Variants in EGF observed in about 807,000 individuals in gnomAD.
EGF encodes the protein pro-epidermal growth factor.
A neutral mutation model predicts 143.8 loss-of-function variants in EGF; 95 were observed. That is an observed-to-expected ratio of 0.66 (90% CI 0.56 to 0.78). The LOEUF is 0.78. Ranked by LOEUF, EGF falls within the 30% of genes least tolerant of loss-of-function variation. The pLI is 0.00. For synonymous variants in EGF, 510 were observed against 510.5 expected (o/e 1.00, Z 0.01); for missense variants, 1,320 against 1,470.9 (o/e 0.90, Z 1.68).
rs749592129 is a variant in EGF at position 109,988,594 on chromosome 4, A to T, written c.2619A>T (p.Glu873Asp). 4 of 1,613,922 alleles carry T rather than the reference A, an allele frequency of 2.5e-6. No individual in the cohort carries two copies. The highest frequency in any genetic ancestry group is 3.4e-6 in the Non-Finnish European group (4 of 1,179,914). The stretch of plus-strand genomic sequence containing the variant: ...TAATTTTGCCCACAGATATAGATGA[A>T]TGTGAGATGGGTGTCCCAGTGTGCC... ...GDGKLCSDID[E>D]CEMGVPVCPP... The change falls in exon 18 of 24, where the codon GAA (glutamate) becomes GAT (aspartate). Residue 873 changes from glutamate (E) to aspartate (D), a missense_variant. Transcript: ENST00000265171.
chr4:109,970,623 G>C (rs1051585838), intron 11 of EGF, among the ~76,000 whole-genome samples: 4 of 151,916 alleles, frequency 2.6e-5, no homozygotes, highest in African/African-American at 4.8e-5. Context: ...TCAGGAGATC[G>C]AGACCATCCT....
Position 109,960,991 on chromosome 4 carries a change from T to C in EGF, c.1189+2T>C, listed in dbSNP as rs1421670842. On this transcript the variant is annotated splice_donor_variant, in intron 7 of 23. Transcript: ENST00000265171. LOFTEE classifies it high-confidence loss of function. Reference sequence around the variant, plus strand: ...TTCCTGATGGGAAACGATGTCATCGTAAGTTATAGCAACAAGTATTTATTG... The same window carrying C: ...TTCCTGATGGGAAACGATGTCATCGCAAGTTATAGCAACAAGTATTTATTG... 6.2e-7 allele frequency: 1 copy of C among 1,613,754 alleles called. No homozygotes were observed. The highest frequency in any genetic ancestry group is 2.2e-5 in the East Asian group (1 of 44,880).
chr4:109,943,915 C>T lies in EGF; in HGVS notation c.583C>T (p.Leu195=), dbSNP rs754378480. Residue 195 remains leucine (L), a synonymous_variant, in exon 4 of 24, where the codon CTG becomes TTG. Coordinates refer to ENST00000265171, the MANE Select transcript of EGF (RefSeq NM_001963.6). ...ADLDGVGVKA[L]LETSEKITAV... ...TCTCGATGGTGTGGGAGTGAAGGCT[C>T]TGTTGGAGACATCAGAGAAAATAAC... The T allele has an allele frequency of 6.2e-7, 1 of 1,613,986 alleles. No individual in the cohort carries two copies. The highest frequency in any genetic ancestry group is 8.5e-7 in the Non-Finnish European group (1 of 1,179,974).
At chr4:109,988,849 C>A in intron 18 of EGF, 140 bp downstream of exon 18, 1 of 1,281,406 alleles carries the variant, frequency 7.8e-7, no homozygotes. Flanking sequence ...GTGCGACCTG[C>A]TCAAACTGAC....
intron 21 of EGF, among the ~76,000 whole-genome samples, chr4:110,000,449 C>A (rs901650542): frequency 6.6e-6 from 1 of 152,010 alleles, no homozygotes; most frequent in African/African-American, 2.4e-5. Context: ...ATATTATATG[C>A]TCCCCCCATA....
chr4:109,963,623 G>A (rs1211508456), intron 9 of EGF, among the ~76,000 whole-genome samples: 2 of 152,094 alleles, frequency 1.3e-5, no homozygotes, highest in African/African-American at 2.4e-5. Flanking sequence ...TTTGTTGATT[G>A]ATTTGATTTT....
chr4:109,987,688 T>A, intron 16 of EGF, 56 bp from the exon 17 acceptor site: 1 of 1,414,124 alleles, frequency 7.1e-7, no homozygotes, highest in Non-Finnish European at 1.0e-6. Flanking sequence ...AAGATTAAAG[T>A]CCGTTTTCTT....
chr4:109,940,552 T>C (rs1741743989), intron 1 of EGF, among the ~76,000 whole-genome samples: 1 of 152,218 alleles, frequency 6.6e-6, no homozygotes, highest in African/African-American at 2.4e-5. Context: ...ATTTCCAAAA[T>C]GATAATATCT....
chr4:109,991,311 C>A (rs1750904902), intron 18 of EGF, among the ~76,000 whole-genome samples: 1 of 152,138 alleles, frequency 6.6e-6, no homozygotes, highest in Non-Finnish European at 1.5e-5. Flanking sequence ...ACTCACAGCA[C>A]TTCTTAATAT....
chr4:109,970,430 C>T (rs1578298677), intron 11 of EGF, among the ~76,000 whole-genome samples: 1 of 152,254 alleles, frequency 6.6e-6, no homozygotes, highest in Middle Eastern at 3.4e-3. Flanking sequence ...AGGGTTTAAC[C>T]TCTGTGAAAT....
rs553918865 is a variant in EGF, at chr4:109,987,946, A to C, written c.2608+86A>C. On this transcript the variant is annotated intron_variant, in intron 17 of 23. Transcript: ENST00000265171. Reference sequence around the variant, plus strand: ...CTCTTTCTGACTCAAAAACTCCAGAAGGATTTATGTAATCAGCAGATTTGA... The same window carrying C: ...CTCTTTCTGACTCAAAAACTCCAGACGGATTTATGTAATCAGCAGATTTGA... The C allele has an allele frequency of 3.8e-6, 4 of 1,059,420 alleles. No individual in the cohort carries two copies. In the African/African-American group the frequency reaches 6.3e-5, roughly 17 times the overall value. The allele number at this position is 1,059,420 out of a possible 1,614,324, so 65.6% of individuals were successfully genotyped here.
At chr4:109,985,164 T>C (rs1031579271) in intron 16 of EGF, among the ~76,000 whole-genome samples, 1 of 152,186 alleles carries the variant, frequency 6.6e-6, no homozygotes, top group Non-Finnish European at 1.5e-5. Context: ...ATTTGTGAAT[T>C]TGGCTTAATA....
chr4:109,962,859 G>A (rs1487014172), intron 8 of EGF, among the ~76,000 whole-genome samples: 1 of 152,082 alleles, frequency 6.6e-6, no homozygotes, highest in Non-Finnish European at 1.5e-5. Flanking sequence ...CTGAGGTCAG[G>A]AGTTTGAGAC....
At chr4:109,994,623 C>T in intron 19 of EGF, 110 bp from the exon 20 acceptor site, 1 of 1,269,084 alleles carries the variant, frequency 7.9e-7, no homozygotes, top group Non-Finnish European at 1.1e-6. Context: ...GTTCTTCTGT[C>T]ACTAAAAGAT....
Position 109,999,972 on chromosome 4 carries a change from C to G in EGF, c.3173+126C>G, listed in dbSNP as rs11098058. The G allele has an allele frequency of 0.018, 24,851 of 1,412,204 alleles. 2,508 individuals are homozygous for G. The East Asian group carries it at 0.24, about 13-fold the overall frequency. The allele number at this position is 1,412,204 out of a possible 1,614,324, so 87.5% of individuals were successfully genotyped here. On this transcript the variant is annotated intron_variant, in intron 21 of 23. Transcript: ENST00000265171. ...TACTACATTTAAAACGTGAAATAGG[C>G]TGGGTGCAGTGACCCATGCCTGCAA...
chr4:110,010,414 T>TA (rs11569140), intron 23 of EGF, among the ~76,000 whole-genome samples: 34,579 of 151,978 alleles, frequency 0.23, 6,504 homozygotes, highest in East Asian at 0.58. Flanking sequence ...GTAATTTTTT[T>TA]AAAAAAATTT....
At chr4:109,976,269 G>T in intron 13 of EGF, 34 bp downstream of exon 13, 2 of 1,571,270 alleles carry the variant, frequency 1.3e-6, no homozygotes, top group South Asian at 2.2e-5. Flanking sequence ...TTTTCATCTT[G>T]ACTGAGTGTT....
At chr4:110,010,046 C>T (rs1360791789) in intron 23 of EGF, among the ~76,000 whole-genome samples, 2 of 152,098 alleles carry the variant, frequency 1.3e-5, no homozygotes, top group Non-Finnish European at 2.9e-5. Context: ...ACCAGCCTGT[C>T]TCTACCAAAT....
intron 3 of EGF, 139 bp downstream of exon 3, chr4:109,943,574 A>G (rs1742295710): frequency 8.5e-6 from 8 of 941,676 alleles, no homozygotes; most frequent in Admixed American, 7.0e-5. Context: ...ACCGTTTTCT[A>G]TAGGACAGTT....
Sources: gnomAD v4.1 joint callset for allele counts (sites outside exome capture counted in the v4.1 genomes callset) on GRCh38, gnomAD v4.1.1 for gene constraint, MANE v1.5 for transcripts, NCBI Gene and HGNC (gene_info 2026-07-23, HGNC 2026-07-21) for gene names.